ITPR2: variants seen among roughly 807,000 people sequenced by gnomAD.
The protein encoded by ITPR2 is inositol 1,4,5-trisphosphate receptor type 2.
In ITPR2, 207 loss-of-function variants were observed where a neutral mutation model predicts 317.1. That is an observed-to-expected ratio of 0.65 (90% CI 0.58 to 0.73). The LOEUF (loss-of-function observed/expected upper bound fraction) is 0.73. Ranked by LOEUF, ITPR2 falls within the 30% of genes least tolerant of loss-of-function variation. ITPR2 has a pLI of 0.00. For missense variants in ITPR2, 2,613 were observed against 3,284.0 expected, an observed-to-expected ratio of 0.80 and a Z score of 4.99; for synonymous variants, 1,156 against 1,149.1, an observed-to-expected ratio of 1.01 and a Z score of -0.12.
Position 26,457,353 on chromosome 12 carries a change from G to C in ITPR2, c.6343-13703C>G, listed in dbSNP as rs563880747. On this transcript the variant is annotated intron_variant, in intron 45 of 56. Transcript: ENST00000381340. ...TGGCTTGAGCAGAATAAGTAAAGAC[G>C]AAAGTGGCCAGAGAGAGGGGAGATG... Among the ~76,000 whole-genome samples, 12 of 152,248 alleles carry C rather than the reference G, an allele frequency of 7.9e-5. No individual in the cohort carries two copies. The South Asian group carries it at 2.5e-3, about 32-fold the overall frequency.
At chr12:26,556,432 C>A in intron 35 of ITPR2, 57 bp from the exon 36 acceptor site, 3 of 1,538,476 alleles carry the variant, frequency 1.9e-6, no homozygotes, top group South Asian at 1.2e-5. Context: ...TTTCATCTTT[C>A]GAAGATAAGA....
chr12:26,572,469 G>A (rs1159692027), intron 34 of ITPR2, among the ~76,000 whole-genome samples: 2 of 152,180 alleles, frequency 1.3e-5, no homozygotes, highest in Non-Finnish European at 2.9e-5. Flanking sequence ...CTTGTTCCTT[G>A]TTTCTACTTT....
At chr12:26,366,198 G>A (rs983993652) in intron 55 of ITPR2, among the ~76,000 whole-genome samples, 2 of 152,076 alleles carry the variant, frequency 1.3e-5, no homozygotes, top group Admixed American at 6.5e-5. Context: ...CTAGCTTAAT[G>A]GCTAATGATA....
chr12:26,489,454 G>A (rs147320321), intron 39 of ITPR2, among the ~76,000 whole-genome samples: 59 of 152,338 alleles, frequency 3.9e-4, no homozygotes, highest in African/African-American at 1.3e-3. Context: ...CACAGAATCT[G>A]GAGCCAGACT....
At chr12:26,804,989 C>T (rs1359781740) in intron 1 of ITPR2, among the ~76,000 whole-genome samples, 2 of 152,148 alleles carry the variant, frequency 1.3e-5, no homozygotes, top group Non-Finnish European at 2.9e-5. Context: ...CCCACCTCAG[C>T]CTCCCAAAGT....
chr12:26,582,043 A>G (rs11614763), intron 32 of ITPR2, among the ~76,000 whole-genome samples: 17,395 of 152,110 alleles, frequency 0.11, 1,385 homozygotes, highest in Non-Finnish European at 0.17. Context: ...TTTCTTCAAA[A>G]TCCAGGGTTA....
chr12:26,454,029 T>C (rs1205586297), intron 45 of ITPR2, among the ~76,000 whole-genome samples: 1 of 152,076 alleles, frequency 6.6e-6, no homozygotes, highest in Non-Finnish European at 1.5e-5. Flanking sequence ...AATGGATGGA[T>C]GGATGGATGG....
chr12:26,713,278 C>T (rs1401765348), intron 8 of ITPR2, among the ~76,000 whole-genome samples: 2 of 152,202 alleles, frequency 1.3e-5, no homozygotes, highest in Non-Finnish European at 2.9e-5. Flanking sequence ...TTCCCTCTTC[C>T]TTGAAACACC....
intron 32 of ITPR2, among the ~76,000 whole-genome samples, chr12:26,582,527 C>T (rs1945429326): frequency 6.6e-6 from 1 of 152,122 alleles, no homozygotes; most frequent in Non-Finnish European, 1.5e-5. Context: ...TGCTTTAAGC[C>T]ATTTTTGGAA....
intron 2 of ITPR2, among the ~76,000 whole-genome samples, chr12:26,754,010 T>C (rs142603105): frequency 0.01 from 1,579 of 152,334 alleles, 27 homozygotes; most frequent in African/African-American, 0.035. Context: ...TGTATTTATA[T>C]GTATTGTGTG....
chr12:26,779,206 T>C (rs1032050522), intron 2 of ITPR2, among the ~76,000 whole-genome samples: 1 of 152,168 alleles, frequency 6.6e-6, no homozygotes, highest in East Asian at 1.9e-4. Context: ...TGAATCACAG[T>C]GGAGGCCTCT....
At chr12:26,361,960 C>A (rs892880973) in intron 55 of ITPR2, among the ~76,000 whole-genome samples, 16 of 152,112 alleles carry the variant, frequency 1.1e-4, no homozygotes, top group African/African-American at 3.9e-4. Context: ...CCACCAAATC[C>A]CACTTTGAAT....
chr12:26,604,060 T>C (rs1028971846), intron 26 of ITPR2, among the ~76,000 whole-genome samples: 2 of 152,174 alleles, frequency 1.3e-5, no homozygotes, highest in Admixed American at 6.5e-5. Flanking sequence ...ATGAGGCCAA[T>C]TGATATGATT....
chr12:26,820,697 T>G (rs1950925879), intron 1 of ITPR2, among the ~76,000 whole-genome samples: 1 of 152,190 alleles, frequency 6.6e-6, no homozygotes, highest in Non-Finnish European at 1.5e-5. Context: ...GCTGCATTAT[T>G]CATAATAGCC....
intron 2 of ITPR2, among the ~76,000 whole-genome samples, chr12:26,751,984 T>C (rs1009001213): frequency 1.3e-5 from 2 of 152,290 alleles, no homozygotes; most frequent in African/African-American, 4.8e-5. Flanking sequence ...GATATGTCTA[T>C]AGTCTTGAGT....
intron 42 of ITPR2, among the ~76,000 whole-genome samples, chr12:26,481,633 A>G (rs1242899474): frequency 6.6e-6 from 1 of 152,238 alleles, no homozygotes; most frequent in Non-Finnish European, 1.5e-5. Flanking sequence ...TTTCCCATTT[A>G]TGAAAGACAT....
At chr12:26,767,081 C>T (rs1408198878) in intron 2 of ITPR2, among the ~76,000 whole-genome samples, 1 of 152,110 alleles carries the variant, frequency 6.6e-6, no homozygotes, top group African/African-American at 2.4e-5. Flanking sequence ...CCAGTCATTC[C>T]TTCTTTCCTT....
chr12:26,731,268 T>C (rs1020288811), intron 2 of ITPR2, among the ~76,000 whole-genome samples: 6 of 152,162 alleles, frequency 3.9e-5, no homozygotes, highest in Non-Finnish European at 8.8e-5. Flanking sequence ...ATAGGGAACA[T>C]GGTTACCAAG....
At chr12:26,489,851 T>C (rs1009450926) in intron 39 of ITPR2, among the ~76,000 whole-genome samples, 2 of 152,160 alleles carry the variant, frequency 1.3e-5, no homozygotes, top group Non-Finnish European at 2.9e-5. Context: ...CAAGACTTTT[T>C]TGGCTAAGGA....
Sources: allele counts gnomAD v4.1 joint callset (sites outside exome capture counted in the v4.1 genomes callset), GRCh38; gene constraint gnomAD v4.1.1; transcripts MANE v1.5; gene names NCBI Gene and HGNC (gene_info 2026-07-23, HGNC 2026-07-21).